JHY: variants seen among roughly 807,000 people sequenced by gnomAD.
JHY encodes junctional cadherin complex regulator, also known as jhy protein homolog.
In JHY, 69 loss-of-function variants were observed where a neutral mutation model predicts 78.0. The observed-to-expected ratio is 0.88, with a 90% CI of 0.73 to 1.08. The LOEUF (loss-of-function observed/expected upper bound fraction) is 1.08. Ranked by LOEUF, JHY falls within the 50% of genes least tolerant of loss-of-function variation. The probability of loss-of-function intolerance (pLI) is 0.00; values close to 1 mark genes in which losing one functional copy is unlikely to be tolerated. For synonymous variants in JHY, 368 were observed against 342.6 expected (o/e 1.07, Z -0.82); for missense variants, 944 against 927.8 (o/e 1.02, Z -0.23).
chr11:122,897,051 T>C (rs1337460923), intron 2 of JHY, among the ~76,000 whole-genome samples: 1 of 151,516 alleles, frequency 6.6e-6, no homozygotes, highest in African/African-American at 2.4e-5. Flanking sequence ...GAGACGGGGT[T>C]TCACCATGTT....
chr11:122,887,357 T>C (rs1306816628), intron 2 of JHY, among the ~76,000 whole-genome samples: 1 of 152,192 alleles, frequency 6.6e-6, no homozygotes, highest in Non-Finnish European at 1.5e-5. Flanking sequence ...GGAGTCTCGC[T>C]CTGTCATCAG....
intron 2 of JHY, among the ~76,000 whole-genome samples, chr11:122,888,666 T>G (rs964178655): frequency 6.6e-6 from 1 of 152,186 alleles, no homozygotes; most frequent in African/African-American, 2.4e-5. Context: ...AGATAAAGTT[T>G]CCATGTACCC....
intron 7 of JHY, 52 bp downstream of exon 7, chr11:122,956,628 T>C: frequency 1.3e-6 from 2 of 1,519,046 alleles, no homozygotes; most frequent in Non-Finnish European, 1.8e-6. Context: ...CCCATCTGTC[T>C]GTTAGGAAAC....
In JHY at chr11:122,962,044, C is replaced by CA. The variant is rs140820005; in HGVS notation, c.*2604dup. Among the ~76,000 whole-genome samples, 17,916 of 152,198 alleles carry CA rather than the reference C, an allele frequency of 0.12. 1,080 individuals are homozygous for CA. Among genetic ancestry groups the CA allele is most frequent in the East Asian group, 0.19 (984 of 5,182 alleles). On this transcript the variant is annotated 3_prime_UTR_variant, in exon 9 of 9. Coordinates refer to ENST00000227349, the MANE Select transcript of JHY (RefSeq NM_024806.4). ...TGTCAAATGTGTGTTTTCACACACA[C>CA]AAAAATAGATAAGACAAAAGCATTC... is the stretch of plus-strand genomic sequence containing the variant.
intron 3 of JHY, among the ~76,000 whole-genome samples, chr11:122,921,985 AAG>A (rs1416116145): frequency 1.3e-5 from 2 of 152,158 alleles, no homozygotes; most frequent in African/African-American, 2.4e-5. Context: ...GGAAAAAAAA[AAG>A]AGAGAGAAAG....
chr11:122,894,613 G>T (rs1352436906), intron 2 of JHY, among the ~76,000 whole-genome samples: 2 of 152,228 alleles, frequency 1.3e-5, no homozygotes, highest in South Asian at 2.1e-4. Context: ...TAGAAGTGAG[G>T]TACTAGAATT....
At chr11:122,892,375 T>G (rs1306186231) in intron 2 of JHY, among the ~76,000 whole-genome samples, 1 of 150,972 alleles carries the variant, frequency 6.6e-6, no homozygotes, top group Non-Finnish European at 1.5e-5. Flanking sequence ...CAGGCTAGAG[T>G]GCAGTGAGGC....
In JHY at chr11:122,959,972, G is replaced by A. The variant is rs1276793953; in HGVS notation, c.*527G>A. Among the ~76,000 whole-genome samples, 5 of 152,144 alleles carry A rather than the reference G, an allele frequency of 3.3e-5. No homozygotes were observed. The highest frequency in any genetic ancestry group is 7.2e-5 in the African/African-American group (3 of 41,430). On this transcript the variant is annotated 3_prime_UTR_variant, in exon 9 of 9. Coordinates refer to ENST00000227349, the MANE Select transcript of JHY (RefSeq NM_024806.4). ...GTTGAGGCCGGGCACAGTGGCTCACGCCTGTAATCCCAGCACTTTGGGAAG... is the reference window on the plus strand; with the variant it reads ...GTTGAGGCCGGGCACAGTGGCTCACACCTGTAATCCCAGCACTTTGGGAAG...
Position 122,956,529 on chromosome 11 carries a change from G to A in JHY, c.1963G>A (p.Val655Met), listed in dbSNP as rs759304853. Reference sequence around the variant, plus strand: ...GCTGAAAGGTTATCAGAAAAGAGACGTGAAGCTTGGAGGCCTCGGACCTGA... The same window carrying A: ...GCTGAAAGGTTATCAGAAAAGAGACATGAAGCTTGGAGGCCTCGGACCTGA... ...TKLKGYQKRD[V>M]KLGGLGPDFE... Residue 655 changes from valine to methionine, a missense_variant, in exon 7 of 9, where the codon GTG (valine) becomes ATG (methionine). Coordinates refer to ENST00000227349, the MANE Select transcript of JHY (RefSeq NM_024806.4). 20 of 1,613,480 alleles carry A rather than the reference G, an allele frequency of 1.2e-5. No individual in the cohort carries two copies. The highest frequency in any genetic ancestry group is 3.3e-5 in the Admixed American group (2 of 59,982).
chr11:122,961,068 C>A lies in JHY; in HGVS notation c.*1623C>A. ...CCTAAAGCTGTTGGCAAAGAAGACT[C>A]ATGCACAGCCAGTTATGTAAATGTA... On this transcript the variant is annotated 3_prime_UTR_variant, in exon 9 of 9. Coordinates refer to ENST00000227349, the MANE Select transcript of JHY (RefSeq NM_024806.4). The A allele has an allele frequency of 1.9e-6, 2 of 1,040,632 alleles. No homozygotes were observed. Among genetic ancestry groups the A allele is most frequent in the Non-Finnish European group, 3.0e-6 (2 of 673,976 alleles). The allele number at this position is 1,040,632 out of a possible 1,614,324, so 64.5% of individuals were successfully genotyped here.
rs959070321 is a variant in JHY at position 122,963,581 on chromosome 11, A to G, written c.*4136A>G. On this transcript the variant is annotated 3_prime_UTR_variant, in exon 9 of 9. Coordinates refer to ENST00000227349, the MANE Select transcript of JHY (RefSeq NM_024806.4). ...ATTTTGCAAAAACAGGGAGTGACAG[A>G]CACGTTTTTTGCTCCTGTTTTAAAG... Among the ~76,000 whole-genome samples, 12 of 152,288 alleles carry G rather than the reference A, an allele frequency of 7.9e-5. No individual in the cohort carries two copies. Among genetic ancestry groups the G allele is most frequent in the Admixed American group, 7.8e-4 (12 of 15,292 alleles).
At chr11:122,958,006 G>A (rs141538903) in intron 8 of JHY, among the ~76,000 whole-genome samples, 97 of 152,184 alleles carry the variant, frequency 6.4e-4, no homozygotes, top group African/African-American at 2.2e-3. Context: ...TAAGGCAGTT[G>A]TTGTCTTCTT....
At chr11:122,904,529 TA>T in intron 3 of JHY, 85 bp downstream of exon 3, 1 of 1,430,626 alleles carries the variant, frequency 7.0e-7, no homozygotes, top group South Asian at 1.4e-5. Context: ...TCGCTTCCTT[TA>T]AGATGACGAT....
At chr11:122,947,922 C>A (rs886621291) in intron 6 of JHY, among the ~76,000 whole-genome samples, 1 of 152,086 alleles carries the variant, frequency 6.6e-6, no homozygotes, top group Non-Finnish European at 1.5e-5. Context: ...TCTCCCATAC[C>A]AACCTGCCAT....
intron 5 of JHY, among the ~76,000 whole-genome samples, chr11:122,936,644 T>C (rs545773894): frequency 3.3e-5 from 5 of 152,194 alleles, no homozygotes; most frequent in Non-Finnish European, 5.9e-5. Context: ...TGATGAAATA[T>C]GTTAACAGAT....
intron 7 of JHY, 78 bp from the exon 8 acceptor site, chr11:122,957,285 A>G: frequency 7.0e-7 from 1 of 1,432,962 alleles, no homozygotes; most frequent in Non-Finnish European, 9.2e-7. Context: ...GTATACTGAA[A>G]CCAGGGCATC....
chr11:122,908,121 C>A (rs975965207), intron 3 of JHY, among the ~76,000 whole-genome samples: 2 of 151,920 alleles, frequency 1.3e-5, no homozygotes, highest in Non-Finnish European at 2.9e-5. Context: ...ATGGGGAGTC[C>A]GCCACACTCC....
intron 4 of JHY, among the ~76,000 whole-genome samples, chr11:122,930,496 G>A (rs1863615587): frequency 6.6e-6 from 1 of 152,056 alleles, no homozygotes; most frequent in Non-Finnish European, 1.5e-5. Context: ...CCAGAGAAAG[G>A]GCGAGAAAAG....
intron 4 of JHY, among the ~76,000 whole-genome samples, chr11:122,927,915 G>A (rs1863546268): frequency 6.6e-6 from 1 of 151,918 alleles, no homozygotes; most frequent in Non-Finnish European, 1.5e-5. Flanking sequence ...ATTTTTAGTA[G>A]AGATGGGGTT....
Sources: allele counts gnomAD v4.1 joint callset (sites outside exome capture counted in the v4.1 genomes callset), GRCh38; gene constraint gnomAD v4.1.1; transcripts MANE v1.5; gene names NCBI Gene and HGNC (gene_info 2026-07-23, HGNC 2026-07-21).